Variants in ZNF808 observed in about 807,000 individuals in gnomAD.
ZNF808 encodes zinc finger protein 808.
Under a neutral mutation model 8.7 loss-of-function variants are expected in ZNF808, and 5 were observed. That is an observed-to-expected ratio of 0.58 (90% CI 0.30 to 1.21). The LOEUF (loss-of-function observed/expected upper bound fraction) is 1.21, where lower values mean the gene tolerates loss of function less well. Among genes scored for constraint, ZNF808 ranks in the 50% most tolerant of loss-of-function variants. The pLI is 0.07. For missense variants in ZNF808, 1,103 were observed against 1,098.4 expected, an observed-to-expected ratio of 1.00 and a Z score of -0.06; for synonymous variants, 380 against 366.0, an observed-to-expected ratio of 1.04 and a Z score of -0.44.
At chr19:52,562,955 T>C (rs1021330536) in intron 3 of ZNF808, among the ~76,000 whole-genome samples, 7 of 152,216 alleles carry the variant, frequency 4.6e-5, no homozygotes, top group Middle Eastern at 3.4e-3. Flanking sequence ...TTTGTATTTT[T>C]AGTAGAGATG....
chr19:52,547,217 G>A (rs1434389854), intron 3 of ZNF808, among the ~76,000 whole-genome samples: 21 of 151,778 alleles, frequency 1.4e-4, no homozygotes, highest in Non-Finnish European at 2.9e-5. Context: ...TGAAGTGTTG[G>A]GATTACAGGC....
Position 52,553,379 on chromosome 19 carries a change from C to G in ZNF808, c.463C>G (p.Gln155Glu), listed in dbSNP as rs775385219. The G allele has an allele frequency of 1.4e-5, 23 of 1,614,064 alleles. No individual in the cohort carries two copies. The African/African-American group carries it at 2.8e-4, about 20-fold the overall frequency. ...RHAGNKPIKD[Q>E]LGSSFYSHLP... ...TGCTGGAAACAAGCCTATTAAAGATCAGCTTGGATCAAGCTTTTATTCACA... is the reference window on the plus strand; with the variant it reads ...TGCTGGAAACAAGCCTATTAAAGATGAGCTTGGATCAAGCTTTTATTCACA... Residue 155 changes from glutamine (Q) to glutamate (E), a missense_variant, in exon 5 of 5, where the codon CAG becomes GAG. Gln to Glu is a conservative substitution (Grantham distance 29). Coordinates refer to ENST00000359798, the MANE Select transcript of ZNF808 (RefSeq NM_001039886.4).
intron 4 of ZNF808, 92 bp from the exon 5 acceptor site, chr19:52,553,015 A>G (rs1162417576): frequency 7.1e-6 from 10 of 1,408,112 alleles, no homozygotes; most frequent in Non-Finnish European, 8.4e-6. Flanking sequence ...GAATTTCAAA[A>G]TAAGTATTGT....
rs562055830 is a variant in ZNF808 at position 52,544,529 on chromosome 19, T to C, written c.63+1182T>C. Among the ~76,000 whole-genome samples, 24 of 152,120 alleles carry C rather than the reference T, an allele frequency of 1.6e-4. 1 individual carries two copies. The South Asian group carries it at 5.0e-3, about 32-fold the overall frequency. On this transcript the variant is annotated intron_variant, in intron 3 of 4. Transcript: ENST00000359798. ...TATTTTTAGTTGAGACGGGGTTTCA[T>C]CATGTTCGTTATGCTGATCTGGAAC...
chr19:52,554,627 G>A lies in ZNF808; in HGVS notation c.1711G>A (p.Glu571Lys). ...HTAKKPYKCN[E>K]CGKAFNQQSH... ...TGCAAAGAAACCTTACAAGTGTAATGAATGTGGGAAAGCTTTTAATCAACA... is the reference window on the plus strand; with the variant it reads ...TGCAAAGAAACCTTACAAGTGTAATAAATGTGGGAAAGCTTTTAATCAACA... The change falls in exon 5 of 5, where the codon GAA becomes AAA. Residue 571 changes from glutamate (E) to lysine (K), a missense_variant. Glu to Lys is a moderately conservative substitution (Grantham distance 56). Transcript: ENST00000359798. 1 of 1,613,958 alleles carries A rather than the reference G, an allele frequency of 6.2e-7. No homozygotes were observed. The highest frequency in any genetic ancestry group is 1.1e-5 in the South Asian group (1 of 91,042).
At chr19:52,566,569 TTATAA>T (rs1424158190), downstream of ZNF808, among the ~76,000 whole-genome samples, 3 of 152,122 alleles carry the variant, frequency 2.0e-5, no homozygotes, top group African/African-American at 7.2e-5. Context: ...ACACAAAACT[TTATAA>T]TATTTCACTT....
In ZNF808 at chr19:52,553,869, AT is replaced by A; in HGVS notation, c.954del (p.Asn318LysfsTer14). The A allele has an allele frequency of 6.2e-7, 1 of 1,614,180 alleles. No individual in the cohort carries two copies. Among genetic ancestry groups the A allele is most frequent in the Non-Finnish European group, 8.5e-7 (1 of 1,180,026 alleles). On this transcript the variant is annotated frameshift_variant, in exon 5 of 5. Transcript: ENST00000359798. LOFTEE classifies it low-confidence loss of function (END_TRUNC). Reference sequence around the variant, plus strand: ...ACTGGAGTAAAACCTTACAAGTGTAATGAGTGTGGCAAGGTCTTTCGTCAAA... The same window carrying A: ...ACTGGAGTAAAACCTTACAAGTGTAAGAGTGTGGCAAGGTCTTTCGTCAAA... ...LHTGVKPYKCNECGKVFRQNS... is the reference protein window; with the variant it reads ...LHTGVKPYKCXECGKVFRQNS...
At chr19:52,537,609 G>A (rs1261299218) in intron 2 of ZNF808, among the ~76,000 whole-genome samples, 1 of 151,596 alleles carries the variant, frequency 6.6e-6, no homozygotes, top group African/African-American at 2.4e-5. Context: ...GATCACTTGA[G>A]CCCAGGAGCT....
chr19:52,548,180 A>T (rs943644905), intron 4 of ZNF808, among the ~76,000 whole-genome samples: 1 of 152,162 alleles, frequency 6.6e-6, no homozygotes, highest in African/African-American at 2.4e-5. Context: ...ATTCGGGCTC[A>T]CAGCCTCATA....
downstream of ZNF808, among the ~76,000 whole-genome samples, chr19:52,565,818 A>G (rs1286512540): frequency 6.6e-6 from 1 of 152,178 alleles, no homozygotes; most frequent in Non-Finnish European, 1.5e-5. Flanking sequence ...ACCAAGGTGT[A>G]TCTTATATGT....
intron 2 of ZNF808, among the ~76,000 whole-genome samples, chr19:52,541,839 G>T (rs751589719): frequency 6.6e-6 from 1 of 152,142 alleles, no homozygotes; most frequent in Non-Finnish European, 1.5e-5. Context: ...AGTTGTCTCA[G>T]CTGTCTCCTG....
intron 1 of ZNF808, among the ~76,000 whole-genome samples, chr19:52,531,485 A>T (rs1045024014): frequency 4.6e-5 from 7 of 152,008 alleles, no homozygotes; most frequent in African/African-American, 1.7e-4. Flanking sequence ...CAATAAATAA[A>T]TAAATTAATT....
Position 52,554,226 on chromosome 19 carries a change from G to T in ZNF808, c.1310G>T (p.Ser437Ile). The change falls in exon 5 of 5, where the codon AGT becomes ATT. Residue 437 changes from serine to isoleucine, a missense_variant. Ser to Ile is a moderately radical substitution (Grantham distance 142, BLOSUM62 -2). Coordinates refer to ENST00000359798, the MANE Select transcript of ZNF808 (RefSeq NM_001039886.4). ...TGTGAAGAATGTGACAAAGTTTTCA[G>T]TCAGAAATCAACCCTTGAGAGACAT... ...YKCEECDKVF[S>I]QKSTLERHKR... is the part of the protein sequence containing the mutation. The T allele has an allele frequency of 6.2e-7, 1 of 1,614,018 alleles. No homozygotes were observed. Among genetic ancestry groups the T allele is most frequent in the Non-Finnish European group, 8.5e-7 (1 of 1,179,998 alleles).
intron 3 of ZNF808, among the ~76,000 whole-genome samples, chr19:52,546,714 G>A (rs1352926351): frequency 1.4e-5 from 2 of 143,536 alleles, no homozygotes; most frequent in Admixed American, 7.4e-5. Flanking sequence ...TGCGATCTCG[G>A]CTCACTGCAA....
Position 52,555,051 on chromosome 19 carries a change from G to T in ZNF808, c.2135G>T (p.Cys712Phe). 6.2e-7 allele frequency: 1 copy of T among 1,614,074 alleles called. No individual in the cohort carries two copies. The highest frequency in any genetic ancestry group is 8.5e-7 in the Non-Finnish European group (1 of 1,180,014). ...SGMKPYKCNECSKTFSNRSSL... is the reference protein window; with the variant it reads ...SGMKPYKCNEFSKTFSNRSSL... ...ATGAAACCTTACAAGTGTAATGAGT[G>T]CAGCAAGACCTTCAGTAACAGGTCA... Residue 712 changes from cysteine (C) to phenylalanine (F), a missense_variant, in exon 5 of 5, where the codon TGC becomes TTC. Cys to Phe is a radical substitution (Grantham distance 205). Coordinates refer to ENST00000359798, the MANE Select transcript of ZNF808 (RefSeq NM_001039886.4).
chr19:52,553,670 C>A lies in ZNF808; in HGVS notation c.754C>A (p.Pro252Thr). 2 of 1,614,138 alleles carry A rather than the reference C, an allele frequency of 1.2e-6. No homozygotes were observed. Among genetic ancestry groups the A allele is most frequent in the Non-Finnish European group, 1.7e-6 (2 of 1,180,016 alleles). ...CSSLLRKHQIPHLGDKQYKCD... is the reference protein window; with the variant it reads ...CSSLLRKHQITHLGDKQYKCD... ...CTCACTCTTAAGGAAACACCAGATACCCCATTTAGGAGACAAACAATATAA... is the reference window on the plus strand; with the variant it reads ...CTCACTCTTAAGGAAACACCAGATAACCCATTTAGGAGACAAACAATATAA... Residue 252 changes from proline (P) to threonine (T), a missense_variant, in exon 5 of 5, where the codon CCC becomes ACC. By Grantham distance (38) the Pro-to-Thr change is conservative. Transcript: ENST00000359798.
At chr19:52,543,128 T>G in intron 2 of ZNF808, 138 bp from the exon 3 acceptor site, 1 of 827,960 alleles carries the variant, frequency 1.2e-6, no homozygotes, top group Admixed American at 2.8e-5. Context: ...GGGACTTTCT[T>G]ACCTCTGCAT....
intron 1 of ZNF808, among the ~76,000 whole-genome samples, chr19:52,529,301 G>C (rs1178847580): frequency 2.6e-5 from 4 of 151,884 alleles, no homozygotes; most frequent in Non-Finnish European, 5.9e-5. Flanking sequence ...AGGATGACTT[G>C]AGCTCAGGAG....
At chr19:52,567,791 C>G (rs1048646350), downstream of ZNF808, among the ~76,000 whole-genome samples, 1 of 151,912 alleles carries the variant, frequency 6.6e-6, no homozygotes, top group Non-Finnish European at 1.5e-5. Flanking sequence ...TACCAAAGGG[C>G]TGGGATTACA....
Sources: allele counts gnomAD v4.1 joint callset (sites outside exome capture counted in the v4.1 genomes callset), GRCh38; gene constraint gnomAD v4.1.1; transcripts MANE v1.5; gene names NCBI Gene and HGNC (gene_info 2026-07-23, HGNC 2026-07-21).